The following NALCN variants were observed in gnomAD, a reference collection of about 807,000 sequenced individuals.
NALCN encodes the protein sodium leak channel, non-selective.
Under a neutral mutation model 225.3 loss-of-function variants are expected in NALCN, and 111 were observed. The ratio of observed to expected loss-of-function variants is 0.49; its 90% CI spans 0.42 to 0.58. NALCN has a LOEUF of 0.58. Ranked by LOEUF, NALCN falls within the 20% of genes least tolerant of loss-of-function variation. The pLI is 0.00. For missense variants in NALCN, 1,378 were observed against 2,202.4 expected (o/e 0.63, Z 7.49); for synonymous variants, 764 against 769.0 (o/e 0.99, Z 0.11).
At chr13:101,343,763 C>CA (rs894709316) in intron 7 of NALCN, among the ~76,000 whole-genome samples, 4 of 152,146 alleles carry the variant, frequency 2.6e-5, no homozygotes, top group African/African-American at 9.7e-5. Flanking sequence ...CTTTTTCTCT[C>CA]AAAAAGAGAT....
intron 3 of NALCN, among the ~76,000 whole-genome samples, chr13:101,386,863 G>A (rs914465022): frequency 6.6e-6 from 1 of 152,186 alleles, no homozygotes; most frequent in African/African-American, 2.4e-5. Context: ...AAATACATTG[G>A]TTTGCTTCTA....
chr13:101,135,837 A>C (rs933713490), intron 17 of NALCN, among the ~76,000 whole-genome samples: 1 of 152,220 alleles, frequency 6.6e-6, no homozygotes, highest in African/African-American at 2.4e-5. Flanking sequence ...GTTTAAAAAG[A>C]AGAGCAAAAT....
In NALCN at chr13:101,342,043, TGA is replaced by T. The variant is rs1464709457; in HGVS notation, c.799+3221_799+3222del. Among the ~76,000 whole-genome samples, 6 of 152,356 alleles carry T rather than the reference TGA, an allele frequency of 3.9e-5. No homozygotes were observed. The East Asian group carries it at 1.2e-3, about 29-fold the overall frequency. The stretch of plus-strand genomic sequence containing the variant: ...TTGGACTTCCCAGACTCTAGAACTG[TGA>T]GAAATAAATTTCTCTTGGTTATGAG... On this transcript the variant is annotated intron_variant, in intron 7 of 43. Transcript: ENST00000251127.
chr13:101,114,307 G>A (rs2035592202), intron 18 of NALCN, among the ~76,000 whole-genome samples: 1 of 152,178 alleles, frequency 6.6e-6, no homozygotes, highest in African/African-American at 2.4e-5. Context: ...AGATGATTAT[G>A]AATGTGACAG....
At chr13:101,193,615 G>A (rs779911272) in intron 13 of NALCN, among the ~76,000 whole-genome samples, 11 of 152,078 alleles carry the variant, frequency 7.2e-5, no homozygotes, top group South Asian at 2.1e-4. Context: ...ATACTTGACC[G>A]CACCATCACC....
intron 11 of NALCN, among the ~76,000 whole-genome samples, chr13:101,253,539 C>A (rs903505834): frequency 6.6e-6 from 1 of 152,098 alleles, no homozygotes; most frequent in African/African-American, 2.4e-5. Flanking sequence ...TTAAATGAGA[C>A]AATGAATTCT....
At chr13:101,134,901 G>A (rs1450789597) in intron 17 of NALCN, among the ~76,000 whole-genome samples, 1 of 152,162 alleles carries the variant, frequency 6.6e-6, no homozygotes, top group East Asian at 1.9e-4. Context: ...TTAATGATAA[G>A]AAACTATAAA....
intron 7 of NALCN, among the ~76,000 whole-genome samples, chr13:101,300,815 T>C (rs1015289891): frequency 3.9e-5 from 6 of 152,168 alleles, no homozygotes; most frequent in South Asian, 2.1e-4. Context: ...TTCCAGAACA[T>C]GGGACAAACA....
At chr13:101,360,141 T>C (rs910672564) in intron 6 of NALCN, among the ~76,000 whole-genome samples, 8 of 147,488 alleles carry the variant, frequency 5.4e-5, no homozygotes, top group African/African-American at 1.3e-4. Flanking sequence ...TCTTTCTTTC[T>C]CTCTTTTTTT....
At chr13:101,375,289 T>C (rs531360802) in intron 6 of NALCN, among the ~76,000 whole-genome samples, 1 of 152,190 alleles carries the variant, frequency 6.6e-6, no homozygotes, top group Non-Finnish European at 1.5e-5. Flanking sequence ...CATTTGCTCT[T>C]CCTGATGCCT....
intron 11 of NALCN, among the ~76,000 whole-genome samples, chr13:101,246,528 T>C (rs1352154137): frequency 2.0e-5 from 3 of 152,174 alleles, no homozygotes; most frequent in Non-Finnish European, 4.4e-5. Flanking sequence ...TTATAGTGTA[T>C]ATCAGTATGT....
chr13:101,055,087 T>A lies in NALCN; in HGVS notation c.*208A>T. 1.8e-6 allele frequency: 1 copy of A among 557,928 alleles called. No individual in the cohort carries two copies. Among genetic ancestry groups the A allele is most frequent in the East Asian group, 2.9e-5 (1 of 34,666 alleles). 34.6% of individuals were successfully genotyped at this position (557,928 alleles called of 1,614,324 possible). ...TCTAATATTATCAGTACTGTCATTA[T>A]ACAAAAATTTTTTTGAGCAATGATT... On this transcript the variant is annotated 3_prime_UTR_variant, in exon 44 of 44. Transcript: ENST00000251127.
chr13:101,166,282 T>C (rs2038434541), intron 15 of NALCN, among the ~76,000 whole-genome samples: 1 of 152,214 alleles, frequency 6.6e-6, no homozygotes, highest in Non-Finnish European at 1.5e-5. Flanking sequence ...TATTTTATCA[T>C]ATGATCATGC....
intron 14 of NALCN, among the ~76,000 whole-genome samples, chr13:101,189,757 C>A (rs2039607449): frequency 6.6e-6 from 1 of 152,118 alleles, no homozygotes; most frequent in South Asian, 2.1e-4. Context: ...CAAGTTATTT[C>A]AATTTTCAGT....
chr13:101,094,402 C>T (rs1187833769), intron 28 of NALCN, among the ~76,000 whole-genome samples: 1 of 152,090 alleles, frequency 6.6e-6, no homozygotes, highest in Non-Finnish European at 1.5e-5. Context: ...AATGAAATGC[C>T]CCAGTGTTCT....
In NALCN at chr13:101,055,078, C is replaced by T; in HGVS notation, c.*217G>A. The T allele has an allele frequency of 1.8e-6, 1 of 546,992 alleles. No homozygotes were observed. The highest frequency in any genetic ancestry group is 2.6e-5 in the South Asian group (1 of 38,158). The allele number at this position is 546,992 out of a possible 1,614,324, so 33.9% of individuals were successfully genotyped here. A position where few individuals can be genotyped will look rare whatever the true frequency, so the allele number is the denominator to read the frequency against. ...GGTATCATTTCTAATATTATCAGTA[C>T]TGTCATTATACAAAAATTTTTTTGA... On this transcript the variant is annotated 3_prime_UTR_variant, in exon 44 of 44. Coordinates refer to ENST00000251127, the MANE Select transcript of NALCN (RefSeq NM_052867.4).
intron 10 of NALCN, among the ~76,000 whole-genome samples, chr13:101,274,484 C>T (rs1566516701): frequency 6.6e-6 from 1 of 152,156 alleles, no homozygotes; most frequent in African/African-American, 2.4e-5. Flanking sequence ...TTAGTACCTA[C>T]CTTTATGGTG....
chr13:101,111,054 G>A lies in NALCN; in HGVS notation c.2294+71C>T, dbSNP rs1418676074. 57 of 1,482,062 alleles carry A rather than the reference G, an allele frequency of 3.8e-5. No homozygotes were observed. In the Admixed American group the frequency reaches 9.6e-4, roughly 25 times the overall value. The allele number at this position is 1,482,062 out of a possible 1,614,324, so 91.8% of individuals were successfully genotyped here. On this transcript the variant is annotated intron_variant, in intron 19 of 43. Coordinates refer to ENST00000251127, the MANE Select transcript of NALCN (RefSeq NM_052867.4). ...AGCCAGGGCTGACAGCCGTGACTGT[G>A]TACAGCGACCATTTCCTGTAAAACC...
chr13:101,119,816 C>T (rs991509934), intron 18 of NALCN, among the ~76,000 whole-genome samples: 1 of 152,166 alleles, frequency 6.6e-6, no homozygotes, highest in Non-Finnish European at 1.5e-5. Context: ...AGTGGAACAT[C>T]CTCTTCGGAT....
Sources: gnomAD v4.1 joint callset for allele counts (sites outside exome capture counted in the v4.1 genomes callset) on GRCh38, gnomAD v4.1.1 for gene constraint, MANE v1.5 for transcripts, NCBI Gene and HGNC (gene_info 2026-07-23, HGNC 2026-07-21) for gene names.